ADCY9: variants seen among roughly 807,000 people sequenced by gnomAD.
ADCY9 encodes adenylate cyclase type 9.
In ADCY9, 50 loss-of-function variants were observed where a neutral mutation model predicts 101.5. The observed-to-expected ratio is 0.49, with a 90% CI of 0.39 to 0.62. The LOEUF (loss-of-function observed/expected upper bound fraction) is 0.62, where lower values mean the gene tolerates loss of function less well. ADCY9 is among the 20% of genes least tolerant of loss of function. The pLI, the probability that ADCY9 is intolerant of heterozygous loss-of-function variation, is 0.00. For missense variants in ADCY9, 1,662 were observed against 1,800.4 expected, an observed-to-expected ratio of 0.92 and a Z score of 1.39; for synonymous variants, 905 against 769.3, an observed-to-expected ratio of 1.18 and a Z score of -2.92.
intron 5 of ADCY9, among the ~76,000 whole-genome samples, chr16:3,955,793 C>G (rs1301033828): frequency 6.6e-6 from 1 of 151,920 alleles, no homozygotes; most frequent in Non-Finnish European, 1.5e-5. Flanking sequence ...CTGTGATTCA[C>G]CTGCCTCAGC....
chr16:3,994,047 T>C (rs1377939212), intron 3 of ADCY9, among the ~76,000 whole-genome samples: 1 of 152,052 alleles, frequency 6.6e-6, no homozygotes, highest in East Asian at 1.9e-4. Flanking sequence ...TTGTGCCCCC[T>C]CAAAAGTCAG....
intron 2 of ADCY9, among the ~76,000 whole-genome samples, chr16:4,036,814 T>C (rs1032385590): frequency 6.6e-6 from 1 of 151,998 alleles, no homozygotes; most frequent in South Asian, 2.1e-4. Flanking sequence ...ATAATATTAC[T>C]CTGCTCTCAA....
Position 3,964,050 on chromosome 16 carries a change from C to G in ADCY9, c.*1725G>C, listed in dbSNP as rs938662160. 6.6e-6 allele frequency: 1 copy of G among 152,346 alleles called. No homozygotes were observed. 9.4% of individuals were successfully genotyped at this position (152,346 alleles called of 1,614,324 possible). ...CCTGATGGGTGGCCATCCCAGGCAC[C>G]GCCCCTGGAGAGGTGGCGGGTCAGA... On this transcript the variant is annotated 3_prime_UTR_variant, in exon 11 of 11. Transcript: ENST00000294016.
chr16:4,033,396 A>G (rs960609681), intron 2 of ADCY9, among the ~76,000 whole-genome samples: 2 of 151,544 alleles, frequency 1.3e-5, no homozygotes, highest in Non-Finnish European at 2.9e-5. Context: ...TCCACACAGG[A>G]GACAGAGGAA....
intron 2 of ADCY9, among the ~76,000 whole-genome samples, chr16:4,033,753 C>T (rs1343938704): frequency 1.3e-5 from 2 of 152,152 alleles, no homozygotes; most frequent in African/African-American, 4.8e-5. Flanking sequence ...ATGGACTCGA[C>T]ACCAAAATGC....
At chr16:3,998,553 CA>C (rs1567430942) in intron 3 of ADCY9, among the ~76,000 whole-genome samples, 1 of 151,098 alleles carries the variant, frequency 6.6e-6, no homozygotes, top group Non-Finnish European at 1.5e-5. Context: ...TACTAAAATA[CA>C]AAAAATTAGC....
chr16:4,097,457 T>TAC (rs2057011299), intron 2 of ADCY9, among the ~76,000 whole-genome samples: 1 of 13,322 alleles, frequency 7.5e-5, no homozygotes, highest in Non-Finnish European at 2.0e-4. Context: ...GAGTTACATA[T>TAC]ATATATATAT....
intron 2 of ADCY9, among the ~76,000 whole-genome samples, chr16:4,092,936 T>G (rs934208000): frequency 1.3e-5 from 2 of 152,236 alleles, no homozygotes; most frequent in Non-Finnish European, 2.9e-5. Context: ...AAAAAATTAT[T>G]TTTTAAAATG....
downstream of ADCY9, among the ~76,000 whole-genome samples, chr16:3,958,067 T>C (rs899559690): frequency 2.6e-5 from 4 of 151,926 alleles, no homozygotes; most frequent in African/African-American, 7.2e-5. Context: ...CTGGGGGGGA[T>C]TGGCAGAGAC....
chr16:4,097,553 A>ATTTTTTTTTTT (rs35732229), intron 2 of ADCY9, among the ~76,000 whole-genome samples: 6 of 53,416 alleles, frequency 1.1e-4, no homozygotes, highest in Non-Finnish European at 1.5e-4. Context: ...ATATATATAT[A>ATTTTTTTTTTT]TTTTTTTTTT....
chr16:4,104,048 G>A (rs2057060857), intron 2 of ADCY9, among the ~76,000 whole-genome samples: 1 of 152,166 alleles, frequency 6.6e-6, no homozygotes, highest in African/African-American at 2.4e-5. Context: ...CACCTTTTTG[G>A]TAGCACATTA....
intron 2 of ADCY9, among the ~76,000 whole-genome samples, chr16:4,043,355 A>G (rs1315332755): frequency 6.6e-6 from 1 of 151,922 alleles, no homozygotes; most frequent in Non-Finnish European, 1.5e-5. Flanking sequence ...GAGCAAAATC[A>G]GAAGCGGTTC....
chr16:4,114,009 C>G lies in ADCY9; in HGVS notation c.1434G>C (p.Gln478His). Reference protein sequence around the residue: ...GMIKAIEQFCQEKKEMVNMRV... With the variant: ...GMIKAIEQFCHEKKEMVNMRV... The stretch of plus-strand genomic sequence containing the variant: ...TCATGTTCACCATCTCCTTCTTCTC[C>G]TGGCAGAACTGCTCGATGGCCTTGA... The change falls in exon 2 of 11, where the codon CAG (glutamine) becomes CAC (histidine). Residue 478 changes from glutamine to histidine, a missense_variant. By Grantham distance (24) the Gln-to-His change is conservative. Around this residue, in one of 5 missense-constraint regions of ADCY9, gnomAD observed 228 missense variants for 301.1 expected, o/e 0.76. Transcript: ENST00000294016. This position sits in a 1 kb window ranked among gnomAD's most constrained non-coding sequence, Gnocchi z 4.3. 1.2e-6 allele frequency: 2 copies of G among 1,613,886 alleles called. No individual in the cohort carries two copies. Among genetic ancestry groups the G allele is most frequent in the Non-Finnish European group, 1.7e-6 (2 of 1,180,042 alleles).
intron 2 of ADCY9, among the ~76,000 whole-genome samples, chr16:4,078,562 G>GAAAAAAA (rs796262600): frequency 4.6e-5 from 3 of 65,742 alleles, no homozygotes; most frequent in East Asian, 6.4e-4. Flanking sequence ...CTCAAAAAAA[G>GAAAAAAA]AAAAAAAAAA....
intron 3 of ADCY9, among the ~76,000 whole-genome samples, chr16:4,003,268 C>T (rs564408680): frequency 2.0e-5 from 3 of 152,280 alleles, no homozygotes; most frequent in East Asian, 1.9e-4. Context: ...GAATCGGAAC[C>T]GTGGAGAAGA....
intron 2 of ADCY9, among the ~76,000 whole-genome samples, chr16:4,040,545 C>T (rs1373061006): frequency 2.0e-5 from 3 of 152,020 alleles, no homozygotes; most frequent in Non-Finnish European, 4.4e-5. Flanking sequence ...CAATCTCCAC[C>T]TCCTGGGTTC....
At chr16:4,003,796 G>A (rs1030061552) in intron 3 of ADCY9, among the ~76,000 whole-genome samples, 1 of 151,998 alleles carries the variant, frequency 6.6e-6, no homozygotes, top group South Asian at 2.1e-4. Flanking sequence ...GCCCCTGCCC[G>A]CCGTGGTCCG....
At chr16:4,077,273 C>A (rs1267817152) in intron 2 of ADCY9, among the ~76,000 whole-genome samples, 1 of 152,114 alleles carries the variant, frequency 6.6e-6, no homozygotes, top group Admixed American at 6.5e-5. Flanking sequence ...GCCTTGTCCC[C>A]CCCCGAGGAC....
intron 2 of ADCY9, among the ~76,000 whole-genome samples, chr16:4,072,903 A>G (rs1217258586): frequency 1.3e-5 from 2 of 151,854 alleles, no homozygotes; most frequent in East Asian, 3.9e-4. Flanking sequence ...CAAAACAACA[A>G]AAGCCAGAAG....
Sources: gnomAD v4.1 joint callset for allele counts (sites outside exome capture counted in the v4.1 genomes callset) on GRCh38, gnomAD v4.1.1 for gene constraint, gnomAD v4.1.1 regional missense constraint, Gnocchi (gnomAD v3.1) non-coding constraint, MANE v1.5 for transcripts, NCBI Gene and HGNC (gene_info 2026-07-23, HGNC 2026-07-21) for gene names.